Variants in KCTD1 observed in about 807,000 individuals in gnomAD.
KCTD1 encodes BTB/POZ domain-containing protein KCTD1.
In KCTD1, 24 loss-of-function variants were observed where a neutral mutation model predicts 66.0. That is an observed-to-expected ratio of 0.36 (90% CI 0.26 to 0.51). The LOEUF (loss-of-function observed/expected upper bound fraction) is 0.51, where lower values mean the gene tolerates loss of function less well. KCTD1 is among the 20% of genes least tolerant of loss of function. KCTD1 has a pLI of 0.95. For synonymous variants in KCTD1, 511 were observed against 517.2 expected, an observed-to-expected ratio of 0.99 and a Z score of 0.16; for missense variants, 943 against 1,205.2, an observed-to-expected ratio of 0.78 and a Z score of 3.22.
At chr18:26,509,512 T>C (rs1983227397) in intron 1 of KCTD1, among the ~76,000 whole-genome samples, 1 of 152,222 alleles carries the variant, frequency 6.6e-6, no homozygotes, top group African/African-American at 2.4e-5. Flanking sequence ...ACTTCAACCA[T>C]GTATCGTTTC....
intron 1 of KCTD1, among the ~76,000 whole-genome samples, chr18:26,564,502 G>T (rs1440255287): frequency 6.6e-6 from 1 of 152,090 alleles, no homozygotes; most frequent in Non-Finnish European, 1.5e-5. Context: ...CTTTTAGAAA[G>T]CCATCTCTGA....
At chr18:26,657,418 C>A, upstream of KCTD1, 1 of 985,082 alleles carries the variant, frequency 1.0e-6, no homozygotes, top group Non-Finnish European at 1.2e-6. Flanking sequence ...CCTCTCCCCC[C>A]TTTTCCGATT....
intron 1 of KCTD1, among the ~76,000 whole-genome samples, chr18:26,529,421 T>C (rs1447915904): frequency 6.6e-6 from 1 of 152,208 alleles, no homozygotes; most frequent in Non-Finnish European, 1.5e-5. Context: ...AACTTTCTTT[T>C]CTAGAATATT....
At chr18:26,499,106 C>G (rs1982627059) in intron 2 of KCTD1, among the ~76,000 whole-genome samples, 1 of 152,214 alleles carries the variant, frequency 6.6e-6, no homozygotes, top group Admixed American at 6.5e-5. Context: ...TAACTTCCCT[C>G]CTGTCTCAAG....
chr18:26,539,115 T>A (rs7235906), intron 1 of KCTD1, among the ~76,000 whole-genome samples: 101,857 of 152,088 alleles, frequency 0.67, 34,284 homozygotes, highest in East Asian at 0.82. Flanking sequence ...ACAGTTGATA[T>A]GAATTTTGCA....
At chr18:26,542,962 CTGAG>C (rs1425830319) in intron 1 of KCTD1, 9 of 152,114 alleles carry the variant, frequency 5.9e-5, no homozygotes, top group Non-Finnish European at 1.0e-4. Flanking sequence ...CTGCAAAACA[CTGAG>C]TGCATCACCT....
chr18:26,593,719 G>T (rs995354812), intron 1 of KCTD1, among the ~76,000 whole-genome samples: 1 of 93,208 alleles, frequency 1.1e-5, no homozygotes, highest in African/African-American at 4.4e-5. Context: ...GGAAGATAAG[G>T]AGGAGGAGAA....
intron 3 of KCTD1, among the ~76,000 whole-genome samples, chr18:26,465,232 C>T (rs528334692): frequency 2.0e-4 from 31 of 152,200 alleles, no homozygotes; most frequent in Admixed American, 4.6e-4. Flanking sequence ...TACAGGTGCC[C>T]GCCACCATGC....
chr18:26,486,366 G>A (rs564947212), intron 2 of KCTD1, among the ~76,000 whole-genome samples: 4 of 152,204 alleles, frequency 2.6e-5, no homozygotes, highest in Non-Finnish European at 4.4e-5. Flanking sequence ...TGCTGTCCCC[G>A]ACTCACAGTG....
intron 1 of KCTD1, among the ~76,000 whole-genome samples, chr18:26,572,332 C>A (rs1986130012): frequency 6.6e-6 from 1 of 152,172 alleles, no homozygotes; most frequent in Admixed American, 6.5e-5. Context: ...TGCTGGGATT[C>A]AGGTGTGAGT....
At chr18:26,620,096 G>T (rs1306661346) in intron 1 of KCTD1, among the ~76,000 whole-genome samples, 1 of 151,994 alleles carries the variant, frequency 6.6e-6, no homozygotes, top group Non-Finnish European at 1.5e-5. Flanking sequence ...AGAGATGAGG[G>T]GTTTTTGTTT....
chr18:26,525,984 G>T (rs1299155113), intron 1 of KCTD1, among the ~76,000 whole-genome samples: 1 of 152,084 alleles, frequency 6.6e-6, no homozygotes, highest in East Asian at 1.9e-4. Flanking sequence ...CTTGTGGCCG[G>T]CTATCATTTC....
chr18:26,646,348 A>G (rs1027654606), intron 1 of KCTD1, among the ~76,000 whole-genome samples: 4 of 152,200 alleles, frequency 2.6e-5, no homozygotes, highest in African/African-American at 9.6e-5. Context: ...CCATCCTTTG[A>G]CGGAGGCACC....
chr18:26,489,724 C>A (rs1982096321), intron 2 of KCTD1, among the ~76,000 whole-genome samples: 1 of 152,170 alleles, frequency 6.6e-6, no homozygotes, highest in African/African-American at 2.4e-5. Context: ...CTAGCATACG[C>A]ATAGCATAGG....
chr18:26,566,681 C>A (rs1318306771), intron 1 of KCTD1: 1 of 152,040 alleles, frequency 6.6e-6, no homozygotes, highest in Non-Finnish European at 1.5e-5. Context: ...AGCCTGTGGG[C>A]CGAAATCCAC....
intron 1 of KCTD1, among the ~76,000 whole-genome samples, chr18:26,540,385 C>G (rs1984920106): frequency 1.3e-5 from 2 of 152,222 alleles, no homozygotes; most frequent in African/African-American, 4.8e-5. Flanking sequence ...TGGATCAAAA[C>G]CTTCCAGGGT....
chr18:26,488,250 A>C (rs1304083587), intron 2 of KCTD1, among the ~76,000 whole-genome samples: 2 of 151,642 alleles, frequency 1.3e-5, no homozygotes, highest in Non-Finnish European at 2.9e-5. Flanking sequence ...ATTCCAGTCC[A>C]TTTTCTCTGA....
intron 1 of KCTD1, among the ~76,000 whole-genome samples, chr18:26,538,312 AAGTT>A (rs1984806473): frequency 6.6e-6 from 1 of 152,146 alleles, no homozygotes; most frequent in Non-Finnish European, 1.5e-5. Context: ...CTGCAGAACT[AAGTT>A]AGAAGAAGGT....
chr18:26,653,519 G>C (rs369197738), intron 1 of KCTD1, among the ~76,000 whole-genome samples: 2 of 152,192 alleles, frequency 1.3e-5, no homozygotes, highest in South Asian at 4.1e-4. Context: ...TCAGTTATTC[G>C]ATGAATGTCT....
Sources: gnomAD v4.1 joint callset for allele counts (sites outside exome capture counted in the v4.1 genomes callset) on GRCh38, gnomAD v4.1.1 for gene constraint, MANE v1.5 for transcripts, NCBI Gene and HGNC (gene_info 2026-07-23, HGNC 2026-07-21) for gene names.